Variants in GPR137C observed in about 807,000 individuals in gnomAD.
GPR137C encodes the protein G protein-coupled receptor 137C.
A neutral mutation model predicts 43.4 loss-of-function variants in GPR137C; 27 were observed. The observed-to-expected ratio is 0.62, with a 90% CI of 0.46 to 0.86. The LOEUF (loss-of-function observed/expected upper bound fraction) is 0.86. GPR137C is among the 40% of genes least tolerant of loss of function. The pLI is 0.00. For missense variants in GPR137C, 522 were observed against 534.6 expected (o/e 0.98, Z 0.23); for synonymous variants, 285 against 226.9 (o/e 1.26, Z -2.30).
chr14:52,599,000 T>A (rs1368319616), intron 2 of GPR137C, among the ~76,000 whole-genome samples: 1 of 152,240 alleles, frequency 6.6e-6, no homozygotes, highest in Non-Finnish European at 1.5e-5. Context: ...TTACCTCGTT[T>A]AAACCATTTC....
At chr14:52,610,871 G>A (rs1271213737) in intron 3 of GPR137C, among the ~76,000 whole-genome samples, 1 of 152,106 alleles carries the variant, frequency 6.6e-6, no homozygotes, top group Non-Finnish European at 1.5e-5. Context: ...TCTGACCATA[G>A]GTCTCTGCTA....
At chr14:52,613,687 C>A in intron 3 of GPR137C, 1 of 289,386 alleles carries the variant, frequency 3.5e-6, no homozygotes, top group Middle Eastern at 4.8e-4. Context: ...GGATCTCATT[C>A]TTTCTTATGG....
chr14:52,563,119 C>T (rs2038311382), intron 1 of GPR137C, among the ~76,000 whole-genome samples: 1 of 152,154 alleles, frequency 6.6e-6, no homozygotes, highest in Non-Finnish European at 1.5e-5. Context: ...AACTTCTCAG[C>T]AGCAATTGAC....
chr14:52,633,655 G>T lies in GPR137C; in HGVS notation c.993G>T (p.Leu331Phe). ...FFRAQRLNQNLAPAGMINSHS... is the reference protein window; with the variant it reads ...FFRAQRLNQNFAPAGMINSHS... ...GGGCACAGAGATTAAACCAGAATTT[G>T]GTATGATATAATATTCCCCAATGCC... The change falls in exon 5 of 7, where the codon TTG becomes TTT. Residue 331 changes from leucine (L) to phenylalanine (F), a missense_variant and splice_region_variant. Transcript: ENST00000321662. 2 of 1,612,558 alleles carry T rather than the reference G, an allele frequency of 1.2e-6. No homozygotes were observed. Among genetic ancestry groups the T allele is most frequent in the Non-Finnish European group, 1.7e-6 (2 of 1,179,084 alleles).
At chr14:52,558,722 CTG>C (rs149289330) in intron 1 of GPR137C, among the ~76,000 whole-genome samples, 317 of 152,180 alleles carry the variant, frequency 2.1e-3, no homozygotes, top group African/African-American at 7.2e-3. Flanking sequence ...GAATTAAACA[CTG>C]TTGAAATACA....
chr14:52,602,343 C>T (rs183682358), intron 3 of GPR137C, among the ~76,000 whole-genome samples: 3 of 151,900 alleles, frequency 2.0e-5, no homozygotes, highest in Admixed American at 6.6e-5. Context: ...CTCTCTCCCT[C>T]TCAATACCTT....
intron 3 of GPR137C, among the ~76,000 whole-genome samples, chr14:52,622,592 GA>G (rs34979279): frequency 6.6e-6 from 1 of 151,192 alleles, no homozygotes; most frequent in Non-Finnish European, 1.5e-5. Context: ...ATTTATTTTT[GA>G]AAAAAAATAT....
intron 3 of GPR137C, chr14:52,611,865 G>A: frequency 1.2e-6 from 1 of 807,758 alleles, no homozygotes; most frequent in African/African-American, 1.9e-5. Flanking sequence ...TGTATGGAAA[G>A]TCATAGTATA....
At chr14:52,563,133 C>G (rs1408141373) in intron 1 of GPR137C, among the ~76,000 whole-genome samples, 1 of 152,124 alleles carries the variant, frequency 6.6e-6, no homozygotes, top group Non-Finnish European at 1.5e-5. Context: ...AATTGACCCC[C>G]CATATCTTTC....
At chr14:52,619,625 G>A (rs887555404) in intron 3 of GPR137C, among the ~76,000 whole-genome samples, 2 of 152,054 alleles carry the variant, frequency 1.3e-5, no homozygotes, top group Admixed American at 6.6e-5. Flanking sequence ...CTAAGCCTAA[G>A]TAGTTTTCTC....
chr14:52,580,583 C>T (rs1021255502), intron 1 of GPR137C, among the ~76,000 whole-genome samples: 1 of 151,708 alleles, frequency 6.6e-6, no homozygotes, highest in Non-Finnish European at 1.5e-5. Context: ...TGGGTGGTCT[C>T]GAACTTCTGA....
intron 3 of GPR137C, among the ~76,000 whole-genome samples, chr14:52,615,353 A>G (rs1199689951): frequency 2.6e-5 from 4 of 152,110 alleles, no homozygotes; most frequent in African/African-American, 9.7e-5. Flanking sequence ...TTAGGTTACT[A>G]AAGCTCTGTA....
At chr14:52,589,023 A>T (rs558668425) in intron 1 of GPR137C, among the ~76,000 whole-genome samples, 1 of 152,386 alleles carries the variant, frequency 6.6e-6, no homozygotes, top group Admixed American at 6.5e-5. Context: ...AAAATGTGGT[A>T]CACACATGCA....
intron 3 of GPR137C, among the ~76,000 whole-genome samples, chr14:52,626,354 A>G (rs1213195499): frequency 6.6e-6 from 1 of 152,210 alleles, no homozygotes; most frequent in Non-Finnish European, 1.5e-5. Flanking sequence ...ATGCAGCGAG[A>G]ATCAGTGTCA....
chr14:52,588,385 T>C (rs1452919467), intron 1 of GPR137C, among the ~76,000 whole-genome samples: 2 of 152,130 alleles, frequency 1.3e-5, no homozygotes, highest in Non-Finnish European at 2.9e-5. Flanking sequence ...CCTCAGGTGA[T>C]CCACCTGCCT....
At chr14:52,564,853 C>A (rs1448051449) in intron 1 of GPR137C, among the ~76,000 whole-genome samples, 1 of 151,956 alleles carries the variant, frequency 6.6e-6, no homozygotes, top group Admixed American at 6.6e-5. Context: ...GAGGAGGAAT[C>A]CCTGAATATA....
intron 1 of GPR137C, among the ~76,000 whole-genome samples, chr14:52,556,048 TGG>T (rs2038187270): frequency 6.6e-6 from 1 of 152,174 alleles, no homozygotes; most frequent in South Asian, 2.1e-4. Context: ...TATAGCAAAG[TGG>T]TAGGGAAAGC....
rs565804869 is a variant in GPR137C at position 52,554,075 on chromosome 14, T to A, written c.444+484T>A. On this transcript the variant is annotated intron_variant, in intron 1 of 6. Coordinates refer to ENST00000321662, the MANE Select transcript of GPR137C (RefSeq NM_001099652.2). ...CTCTGCTATTGTTGCTGCGTTTCTT[T>A]TATTAGAAGCTTATATTCCCTCCTG... 1.5e-3 allele frequency among the ~76,000 whole-genome samples: 233 copies of A among 152,278 alleles called. 1 individual carries two copies. Among genetic ancestry groups the A allele is most frequent in the African/African-American group, 5.6e-3 (232 of 41,554 alleles).
intron 3 of GPR137C, among the ~76,000 whole-genome samples, chr14:52,629,382 G>C (rs746784414): frequency 6.6e-6 from 1 of 152,142 alleles, no homozygotes. Flanking sequence ...AGTGGAATTA[G>C]TGTGATTTAC....
Sources: allele counts gnomAD v4.1 joint callset (sites outside exome capture counted in the v4.1 genomes callset), GRCh38; gene constraint gnomAD v4.1.1; transcripts MANE v1.5; gene names NCBI Gene and HGNC (gene_info 2026-07-23, HGNC 2026-07-21).